The following ZBTB26 variants were observed in gnomAD, a reference collection of about 807,000 sequenced individuals.
ZBTB26 encodes zinc finger and BTB domain containing 26, also known as zinc finger and BTB domain-containing protein 26.
ZBTB26 carries 12 observed loss-of-function variants against 31.6 expected under a neutral mutation model. The observed-to-expected ratio is 0.38, with a 90% CI of 0.24 to 0.61. The LOEUF (loss-of-function observed/expected upper bound fraction) is 0.61, where lower values mean the gene tolerates loss of function less well. Ranked by LOEUF, ZBTB26 falls within the 20% of genes least tolerant of loss-of-function variation. ZBTB26 has a pLI of 0.60. For missense variants in ZBTB26, 311 were observed against 521.9 expected, an observed-to-expected ratio of 0.60 and a Z score of 3.94; for synonymous variants, 155 against 182.9, an observed-to-expected ratio of 0.85 and a Z score of 1.23.
chr9:122,923,183 C>CA (rs143122693), intron 1 of ZBTB26, among the ~76,000 whole-genome samples: 85,515 of 116,098 alleles, frequency 0.74, 31,247 homozygotes, highest in Middle Eastern at 0.83. Context: ...GACTCCATCT[C>CA]AAAAAAAAAA....
In ZBTB26 at chr9:122,917,801, C is replaced by T. The variant is rs1392180939; in HGVS notation, c.*808G>A. 1.3e-5 allele frequency: 2 copies of T among 152,180 alleles called. No individual in the cohort carries two copies. The highest frequency in any genetic ancestry group is 4.8e-5 in the African/African-American group (2 of 41,442). The allele number at this position is 152,180 out of a possible 1,614,324, so 9.4% of individuals were successfully genotyped here. A position where few individuals can be genotyped will look rare whatever the true frequency, so the allele number is the denominator to read the frequency against. ...ACATTTTTAGCGTGCCTGGAGCAGT[C>T]CTGATCTCAAAAGCATCAACAAGTT... On this transcript the variant is annotated 3_prime_UTR_variant, in exon 2 of 2. Transcript: ENST00000373656.
Position 122,918,463 on chromosome 9 carries a change from G to A in ZBTB26, c.*146C>T, listed in dbSNP as rs1319037486. On this transcript the variant is annotated 3_prime_UTR_variant, in exon 2 of 2. Transcript: ENST00000373656. The stretch of plus-strand genomic sequence containing the variant: ...AAGGCAAATCCACTCCAAGTGGTAA[G>A]TTGCCTGGTCTATTAGTGCTTTGAC... 6.4e-6 allele frequency: 8 copies of A among 1,244,700 alleles called. No homozygotes were observed. The highest frequency in any genetic ancestry group is 1.5e-5 in the African/African-American group (1 of 66,438). The allele number at this position is 1,244,700 out of a possible 1,614,324, so 77.1% of individuals were successfully genotyped here.
intron 1 of ZBTB26, among the ~76,000 whole-genome samples, chr9:122,920,541 A>C (rs1833079358): frequency 6.6e-6 from 1 of 152,218 alleles, no homozygotes. Flanking sequence ...CTGCTTGTCC[A>C]ATTCCTGGCC....
At chr9:122,929,549 T>A (rs1014653499) in intron 1 of ZBTB26, among the ~76,000 whole-genome samples, 1 of 152,232 alleles carries the variant, frequency 6.6e-6, no homozygotes, top group Non-Finnish European at 1.5e-5. Context: ...CATCTATCAA[T>A]AGTAATTTAT....
intron 1 of ZBTB26, 149 bp from the exon 2 acceptor site, chr9:122,920,093 A>C: frequency 3.0e-6 from 3 of 997,792 alleles, no homozygotes; most frequent in Non-Finnish European, 1.4e-6. Flanking sequence ...AGCCACTATA[A>C]CAGGTTTCAA....
At chr9:122,927,520 C>T (rs1431314742) in intron 1 of ZBTB26, among the ~76,000 whole-genome samples, 1 of 152,166 alleles carries the variant, frequency 6.6e-6, no homozygotes, top group East Asian at 1.9e-4. Context: ...ACTTACCACT[C>T]AAAACTACTT....
At chr9:122,923,372 A>G (rs1833131613) in intron 1 of ZBTB26, among the ~76,000 whole-genome samples, 1 of 100,988 alleles carries the variant, frequency 9.9e-6, no homozygotes, top group African/African-American at 3.2e-5. Flanking sequence ...TTGAGAGAGG[A>G]GCGATGTAGA....
intron 1 of ZBTB26, among the ~76,000 whole-genome samples, chr9:122,928,132 G>A (rs1833211788): frequency 6.6e-6 from 1 of 152,116 alleles, no homozygotes; most frequent in South Asian, 2.1e-4. Context: ...GCTGTGCCCG[G>A]CCCCTCCTGG....
chr9:122,923,942 C>T (rs1023557538), intron 1 of ZBTB26, among the ~76,000 whole-genome samples: 1 of 152,166 alleles, frequency 6.6e-6, no homozygotes, highest in Non-Finnish European at 1.5e-5. Flanking sequence ...GTTACAATTG[C>T]CTACAGTATT....
chr9:122,928,454 T>C (rs1833217293), intron 1 of ZBTB26, among the ~76,000 whole-genome samples: 1 of 152,170 alleles, frequency 6.6e-6, no homozygotes, highest in African/African-American at 2.4e-5. Flanking sequence ...ATTACAGGCG[T>C]GAGACACCAC....
chr9:122,927,228 C>T (rs898615198), intron 1 of ZBTB26, among the ~76,000 whole-genome samples: 3 of 152,306 alleles, frequency 2.0e-5, no homozygotes, highest in Middle Eastern at 3.4e-3. Context: ...TGGGAATATT[C>T]TCACTTCCTC....
intron 1 of ZBTB26, among the ~76,000 whole-genome samples, chr9:122,926,424 GT>G (rs1833181734): frequency 6.6e-6 from 1 of 151,130 alleles, no homozygotes; most frequent in East Asian, 2.0e-4. Context: ...GGAGAATGGC[GT>G]GAACCCGGGA....
chr9:122,924,450 A>G (rs1416938395), intron 1 of ZBTB26, among the ~76,000 whole-genome samples: 12 of 152,182 alleles, frequency 7.9e-5, no homozygotes, highest in Admixed American at 7.9e-4. Flanking sequence ...CTCATTTGAC[A>G]AAAAACAGAA....
In ZBTB26 at chr9:122,919,513, G is replaced by C; in HGVS notation, c.422C>G (p.Pro141Arg). 1 of 1,614,160 alleles carries C rather than the reference G, an allele frequency of 6.2e-7. No individual in the cohort carries two copies. The part of the protein sequence containing the change: ...QPMDSKEGCE[P>R]QSASPQSKEQ... The stretch of plus-strand genomic sequence containing the variant: ...TTTTGACTGGGGAGAAGCACTCTGT[G>C]GTTCACATCCCTCTTTACTATCCAT... Residue 141 changes from proline (P) to arginine (R), a missense_variant, in exon 2 of 2, where the codon CCA becomes CGA. By Grantham distance (103) the Pro-to-Arg change is moderately radical (BLOSUM62 -2). Around this residue, in one of 5 missense-constraint regions of ZBTB26, gnomAD observed 207 missense variants for 298.6 expected, o/e 0.69. Transcript: ENST00000373656. The surrounding 1 kb of genome is among the most constrained non-coding windows in gnomAD (Gnocchi z 6.1).
intron 1 of ZBTB26, among the ~76,000 whole-genome samples, chr9:122,921,792 G>C (rs754708772): frequency 6.6e-6 from 1 of 152,174 alleles, no homozygotes; most frequent in African/African-American, 2.4e-5. Context: ...TTAGCTGGGC[G>C]TAGTGGCACA....
intron 1 of ZBTB26, among the ~76,000 whole-genome samples, chr9:122,924,766 C>T (rs996155521): frequency 6.6e-6 from 1 of 152,032 alleles, no homozygotes; most frequent in Non-Finnish European, 1.5e-5. Context: ...GCCAGGACTA[C>T]AGGTGCACAC....
Position 122,919,940 on chromosome 9 carries a change from C to T in ZBTB26, c.-6G>A. 6.4e-7 allele frequency: 1 copy of T among 1,563,290 alleles called. No individual in the cohort carries two copies. The highest frequency in any genetic ancestry group is 8.6e-7 in the Non-Finnish European group (1 of 1,159,068). Reference sequence around the variant, plus strand: ...AGATCTGATCTTTCAGACATTTTGGCAGACCTAAAGAACAGAAATGTAAAA... The same window carrying T: ...AGATCTGATCTTTCAGACATTTTGGTAGACCTAAAGAACAGAAATGTAAAA... On this transcript the variant is annotated 5_prime_UTR_variant, in exon 2 of 2. Transcript: ENST00000373656. This position sits in a 1 kb window ranked among gnomAD's most constrained non-coding sequence, Gnocchi z 6.1.
intron 1 of ZBTB26, among the ~76,000 whole-genome samples, chr9:122,920,321 A>C (rs549328554): frequency 2.6e-5 from 4 of 152,220 alleles, no homozygotes; most frequent in Non-Finnish European, 5.9e-5. Flanking sequence ...AGTAAAGATG[A>C]AATAATTATC....
chr9:122,929,993 T>C (rs1833243884), intron 1 of ZBTB26, among the ~76,000 whole-genome samples: 1 of 152,130 alleles, frequency 6.6e-6, no homozygotes, highest in Admixed American at 6.6e-5. Context: ...TCTTTCTGCT[T>C]CATAAATGCA....
Sources: gnomAD v4.1 joint callset for allele counts (sites outside exome capture counted in the v4.1 genomes callset) on GRCh38, gnomAD v4.1.1 for gene constraint, gnomAD v4.1.1 regional missense constraint, Gnocchi (gnomAD v3.1) non-coding constraint, MANE v1.5 for transcripts, NCBI Gene and HGNC (gene_info 2026-07-23, HGNC 2026-07-21) for gene names.